The following NLGN4X variants were observed in gnomAD, a reference collection of about 807,000 sequenced individuals.
The protein encoded by NLGN4X is neuroligin-4, X-linked.
NLGN4X carries 3 observed loss-of-function variants against 40.3 expected under a neutral mutation model. The ratio of observed to expected loss-of-function variants is 0.07; its 90% CI spans 0.03 to 0.19. The LOEUF is 0.19. NLGN4X is among the 10% of genes least tolerant of loss of function. The pLI is 1.00. For missense variants in NLGN4X, 382 were observed against 708.3 expected (o/e 0.54, Z 5.23); for synonymous variants, 270 against 306.8 (o/e 0.88, Z 1.25).
intron 3 of NLGN4X, among the ~76,000 whole-genome samples, chrX:6,010,278 T>C (rs369135880): frequency 2.7e-3 from 300 of 109,263 alleles, no homozygotes; most frequent in African/African-American, 9.5e-3. Flanking sequence ...GTCATGAATT[T>C]GGGGGTGGGA....
chrX:5,966,339 A>C (rs890145869), intron 3 of NLGN4X, among the ~76,000 whole-genome samples: 1 of 112,395 alleles, frequency 8.9e-6, no homozygotes, highest in Non-Finnish European at 1.9e-5. Flanking sequence ...AAATATTAAT[A>C]AACACTTAGT....
chrX:6,150,952 A>G (rs1386838820), intron 2 of NLGN4X, 43 bp downstream of exon 2: 1 of 1,071,509 alleles, frequency 9.3e-7, no homozygotes, highest in Non-Finnish European at 1.3e-6. Flanking sequence ...CTCTCTACAC[A>G]CTGCACAAGA....
intron 2 of NLGN4X, among the ~76,000 whole-genome samples, chrX:6,115,925 C>G (rs1002068335): frequency 9.0e-6 from 1 of 111,200 alleles, no homozygotes; most frequent in Admixed American, 9.6e-5. Flanking sequence ...CACAGCTTCT[C>G]TGTTTGCTCA....
Position 6,228,783 on chromosome X carries a change from T to C in NLGN4X, c.-548A>G, listed in dbSNP as rs1021615108. On this transcript the variant is annotated 5_prime_UTR_variant, in exon 1 of 6. The change abolishes an upstream ATG in the 5' untranslated region. Coordinates refer to ENST00000381095, the MANE Select transcript of NLGN4X (RefSeq NM_181332.3). Reference sequence around the variant, plus strand: ...AGTCTGTGGACGGGCAGAACAAGCATTACAATTGAAGCAGGAAGGGCCAAG... The same window carrying C: ...AGTCTGTGGACGGGCAGAACAAGCACTACAATTGAAGCAGGAAGGGCCAAG... 2.7e-5 allele frequency: 3 copies of C among 111,606 alleles called. No homozygotes were observed. The highest frequency in any genetic ancestry group is 5.6e-5 in the Non-Finnish European group (3 of 53,148). The allele number at this position is 111,606 out of a possible 1,213,427, so 9.2% of individuals were successfully genotyped here. A position where few individuals can be genotyped will look rare whatever the true frequency, so the allele number is the denominator to read the frequency against.
intron 2 of NLGN4X, among the ~76,000 whole-genome samples, chrX:6,075,702 C>T (rs1333786634): frequency 9.0e-6 from 1 of 110,902 alleles, no homozygotes; most frequent in Admixed American, 9.6e-5. Flanking sequence ...GCACCTCCTT[C>T]CCCCCATTCT....
At chrX:5,927,007 G>A (rs890454618) in intron 3 of NLGN4X, among the ~76,000 whole-genome samples, 7 of 107,725 alleles carry the variant, frequency 6.5e-5, no homozygotes, top group East Asian at 2.9e-4. Flanking sequence ...TCTCTACTCC[G>A]GGCCCCAGAG....
Position 6,103,862 on chromosome X carries a change from G to A in NLGN4X, c.472+47133C>T, listed in dbSNP as rs150709736. Reference sequence around the variant, plus strand: ...AATACACAGTATCTCTAAAGCACACGCACCTTATGGTATTATGAATTAGAC... The same window carrying A: ...AATACACAGTATCTCTAAAGCACACACACCTTATGGTATTATGAATTAGAC... On this transcript the variant is annotated intron_variant, in intron 2 of 5. Coordinates refer to ENST00000381095, the MANE Select transcript of NLGN4X (RefSeq NM_181332.3). Among the ~76,000 whole-genome samples the A allele has an allele frequency of 8.3e-3, 928 of 112,133 alleles. 9 individuals carry two copies. Among genetic ancestry groups the A allele is most frequent in the African/African-American group, 0.029 (901 of 30,914 alleles).
chrX:6,216,107 C>T (rs1419889977), intron 1 of NLGN4X, among the ~76,000 whole-genome samples: 2 of 111,237 alleles, frequency 1.8e-5, no homozygotes, highest in Non-Finnish European at 3.8e-5. Flanking sequence ...ATGATCCACC[C>T]ACCTCGTCCT....
At chrX:5,926,113 A>G (rs1256418131) in intron 3 of NLGN4X, among the ~76,000 whole-genome samples, 1 of 103,632 alleles carries the variant, frequency 9.6e-6, no homozygotes, top group Admixed American at 1.1e-4. Context: ...TTCTCGTGGT[A>G]GTGAGTCAGT....
At chrX:6,134,376 C>A (rs2039764317) in intron 2 of NLGN4X, among the ~76,000 whole-genome samples, 1 of 111,809 alleles carries the variant, frequency 8.9e-6, no homozygotes. Context: ...GCAATTTGGT[C>A]AGTTACTGAT....
At chrX:6,181,726 C>T (rs763018825) in intron 1 of NLGN4X, among the ~76,000 whole-genome samples, 47 of 112,124 alleles carry the variant, frequency 4.2e-4, no homozygotes, top group African/African-American at 1.2e-3. Flanking sequence ...AAAGGCCCAC[C>T]TCTTAATACT....
intron 2 of NLGN4X, among the ~76,000 whole-genome samples, chrX:6,053,981 CA>C (rs1221581975): frequency 9.0e-6 from 1 of 111,592 alleles, no homozygotes; most frequent in Non-Finnish European, 1.9e-5. Flanking sequence ...ATAGAGTTTC[CA>C]AAGAGAGAAA....
intron 3 of NLGN4X, among the ~76,000 whole-genome samples, chrX:5,972,703 G>A (rs1441312848): frequency 9.8e-6 from 1 of 102,423 alleles, no homozygotes; most frequent in Non-Finnish European, 2.0e-5. Flanking sequence ...TCTACACAAG[G>A]TCAGGCCTGC....
chrX:6,024,306 G>T (rs2036628658), intron 3 of NLGN4X, among the ~76,000 whole-genome samples: 1 of 111,601 alleles, frequency 9.0e-6, no homozygotes, highest in Non-Finnish European at 1.9e-5. Flanking sequence ...GATTTTGCTG[G>T]CTTCTGGCTT....
rs973966106 is a variant in NLGN4X at position 6,115,708 on chromosome X, G to A, written c.472+35287C>T. On this transcript the variant is annotated intron_variant, in intron 2 of 5. Transcript: ENST00000381095. Reference sequence around the variant, plus strand: ...ACATAGATGGATGCTTTCTGTAGTGGGAGAAATGTTTTTAGAACTGGAGAG... The same window carrying A: ...ACATAGATGGATGCTTTCTGTAGTGAGAGAAATGTTTTTAGAACTGGAGAG... Among the ~76,000 whole-genome samples, 3 of 111,826 alleles carry A rather than the reference G, an allele frequency of 2.7e-5. No individual in the cohort carries two copies. The Admixed American group carries it at 2.8e-4, about 11-fold the overall frequency.
At chrX:6,146,384 A>C (rs1306041367) in intron 2 of NLGN4X, among the ~76,000 whole-genome samples, 1 of 112,176 alleles carries the variant, frequency 8.9e-6, no homozygotes, top group Non-Finnish European at 1.9e-5. Context: ...TCCTCAAAAA[A>C]TAGCCTGTCC....
chrX:6,013,194 TCAAATGCATGCCA>T (rs1364129386), intron 3 of NLGN4X, among the ~76,000 whole-genome samples: 1 of 111,557 alleles, frequency 9.0e-6, no homozygotes, highest in Admixed American at 9.5e-5. Context: ...CAATTCAAGA[TCAAATGCATGCCA>T]CAAATATAAA....
chrX:5,925,419 A>G (rs61634955), intron 3 of NLGN4X, among the ~76,000 whole-genome samples: 1,548 of 111,561 alleles, frequency 0.014, 21 homozygotes, highest in African/African-American at 0.047. Context: ...TCCTTATGGA[A>G]ATCAATGAAC....
At chrX:6,005,339 T>C (rs185831334) in intron 3 of NLGN4X, among the ~76,000 whole-genome samples, 72 of 111,479 alleles carry the variant, frequency 6.5e-4, no homozygotes, top group Non-Finnish European at 1.1e-3. Context: ...CAACCAATGG[T>C]TGAAACCACA....
Sources: gnomAD v4.1 joint callset for allele counts (sites outside exome capture counted in the v4.1 genomes callset) on GRCh38, gnomAD v4.1.1 for gene constraint, MANE v1.5 for transcripts, NCBI Gene and HGNC (gene_info 2026-07-23, HGNC 2026-07-21) for gene names.